SLC30A10: variants seen among roughly 807,000 people sequenced by gnomAD.
SLC30A10 encodes the protein solute carrier family 30 member 10.
SLC30A10 carries 8 observed loss-of-function variants against 21.7 expected under a neutral mutation model. The observed-to-expected ratio is 0.37, with a 90% CI of 0.22 to 0.67. The LOEUF (loss-of-function observed/expected upper bound fraction) is 0.67, where lower values mean the gene tolerates loss of function less well. Ranked by LOEUF, SLC30A10 falls within the 30% of genes least tolerant of loss-of-function variation. The pLI, the probability that SLC30A10 is intolerant of heterozygous loss-of-function variation, is 0.58. For missense variants in SLC30A10, 521 were observed against 642.5 expected, an observed-to-expected ratio of 0.81 and a Z score of 2.04; for synonymous variants, 272 against 279.4, an observed-to-expected ratio of 0.97 and a Z score of 0.26.
chr1:219,917,332 C>T (rs916486231), intron 3 of SLC30A10, among the ~76,000 whole-genome samples: 1 of 151,978 alleles, frequency 6.6e-6, no homozygotes, highest in African/African-American at 2.4e-5. Flanking sequence ...TATTACTTTA[C>T]TAAAAACATA....
intron 1 of SLC30A10, among the ~76,000 whole-genome samples, chr1:219,938,988 T>C (rs752775670): frequency 1.3e-5 from 2 of 152,214 alleles, no homozygotes; most frequent in Non-Finnish European, 2.9e-5. Context: ...TTAGTGAGCA[T>C]GAGTTTTTAA....
Position 219,928,060 on chromosome 1 carries a change from G to T in SLC30A10, c.381C>A (p.Asn127Lys). Residue 127 changes from asparagine to lysine, a missense_variant, in exon 1 of 4, where the codon AAC (asparagine) becomes AAA (lysine). Transcript: ENST00000366926. This position sits in a 1 kb window ranked among gnomAD's most constrained non-coding sequence, Gnocchi z 6.3. ...CCTGGAAGATGAGCAGCCCCACCAC[G>T]TTGACCAACAGCCCCAGGACGCCGA... ...LIVGVLGLLVNVVGLLIFQDC... is the reference protein window; with the variant it reads ...LIVGVLGLLVKVVGLLIFQDC... 1 of 1,591,426 alleles carries T rather than the reference G, an allele frequency of 6.3e-7. No individual in the cohort carries two copies.
chr1:219,942,288 G>A (rs1476797348), intron 1 of SLC30A10, among the ~76,000 whole-genome samples: 1 of 152,192 alleles, frequency 6.6e-6, no homozygotes, highest in Non-Finnish European at 1.5e-5. Flanking sequence ...CTCTAGCCTT[G>A]AGTTTTGACA....
At chr1:219,926,500 G>A (rs1370286216) in intron 2 of SLC30A10, among the ~76,000 whole-genome samples, 1 of 152,156 alleles carries the variant, frequency 6.6e-6, no homozygotes, top group Admixed American at 6.5e-5. Context: ...ATGGTGAGAG[G>A]CTAGCTAGGT....
chr1:219,942,205 A>C (rs1325329238), intron 1 of SLC30A10, among the ~76,000 whole-genome samples: 1 of 152,246 alleles, frequency 6.6e-6, no homozygotes. Flanking sequence ...AAAATGAAGT[A>C]AAAGTCAAAA....
intron 1 of SLC30A10, among the ~76,000 whole-genome samples, chr1:219,954,049 C>G (rs767453122): frequency 2.6e-5 from 4 of 151,976 alleles, no homozygotes; most frequent in Non-Finnish European, 4.4e-5. Flanking sequence ...GGTAGAGAGA[C>G]AGCAAATTCC....
chr1:219,927,837 G>T lies in SLC30A10; in HGVS notation c.604C>A (p.Arg202=), dbSNP rs373396119. Residue 202 remains arginine (R), a synonymous_variant, in exon 1 of 4, where the codon CGG becomes AGG. Transcript: ENST00000366926. ...TLRGTSVERK[R]EKGATVFANV... The stretch of plus-strand genomic sequence containing the variant: ...GCGAACACGGTCGCCCCCTTCTCCC[G>T]CTTCCTTTCCACCGAGGTCCCCCGG... The T allele has an allele frequency of 3.2e-6, 5 of 1,547,956 alleles. No individual in the cohort carries two copies. The African/African-American group carries it at 5.6e-5, about 17-fold the overall frequency.
intron 1 of SLC30A10, among the ~76,000 whole-genome samples, chr1:219,946,930 A>G (rs1387907094): frequency 6.6e-6 from 1 of 152,170 alleles, no homozygotes; most frequent in Non-Finnish European, 1.5e-5. Flanking sequence ...TGGCCCCCAA[A>G]AGTCCCAACA....
At chr1:219,957,779 T>C (rs1219592964) in intron 1 of SLC30A10, among the ~76,000 whole-genome samples, 3 of 151,600 alleles carry the variant, frequency 2.0e-5, no homozygotes, top group African/African-American at 7.3e-5. Context: ...TACAAACACC[T>C]CTTGTGGCAA....
In SLC30A10 at chr1:219,913,230, TAAA is replaced by T. The variant is rs927335655; in HGVS notation, c.*2216_*2218del. ...TTAAATGCAGTCAGCCAAACTGTCT[TAAA>T]AAGGTATTACTTCATATTGACTCCA... On this transcript the variant is annotated 3_prime_UTR_variant, in exon 4 of 4. Coordinates refer to ENST00000366926, the MANE Select transcript of SLC30A10 (RefSeq NM_018713.3). Among the ~76,000 whole-genome samples the T allele has an allele frequency of 6.6e-6, 1 of 152,222 alleles. No homozygotes were observed. The highest frequency in any genetic ancestry group is 1.5e-5 in the Non-Finnish European group (1 of 68,044).
intron 3 of SLC30A10, 51 bp from the exon 4 acceptor site, chr1:219,915,999 C>T: frequency 6.4e-7 from 1 of 1,572,328 alleles, no homozygotes; most frequent in Non-Finnish European, 8.6e-7. Context: ...GCATTTGAAA[C>T]ATGGAACTAC....
At position 219,911,445 on chromosome 1, in the gene SLC30A10, T is replaced by C. The variant is rs1278505902; in HGVS notation, c.*4004A>G. On this transcript the variant is annotated 3_prime_UTR_variant, in exon 4 of 4. Transcript: ENST00000366926. ...TAAACATCTCAACCCCATGAATCAA[T>C]TGTGCTGATAACTATCCAGTCTCAT... Among the ~76,000 whole-genome samples, 4 of 152,088 alleles carry C rather than the reference T, an allele frequency of 2.6e-5. No homozygotes were observed. The highest frequency in any genetic ancestry group is 9.7e-5 in the African/African-American group (4 of 41,424).
chr1:219,927,848 ACCGAGGTCCCCCGGAGGGTTACG>A lies in SLC30A10; in HGVS notation c.570_592del (p.Val191GlyfsTer17). ...CGCCCCCTTCTCCCGCTTCCTTTCC[ACCGAGGTCCCCCGGAGGGTTACG>A]GCCGAGTCCGAGCCTGGGGCTGTCG... On this transcript the variant is annotated frameshift_variant, in exon 1 of 4. Coordinates refer to ENST00000366926, the MANE Select transcript of SLC30A10 (RefSeq NM_018713.3). LOFTEE classifies it high-confidence loss of function. The A allele has an allele frequency of 6.5e-7, 1 of 1,546,808 alleles. No individual in the cohort carries two copies. Among genetic ancestry groups the A allele is most frequent in the Non-Finnish European group, 8.7e-7 (1 of 1,146,736 alleles).
chr1:219,934,930 CA>C (rs1161215214), intron 1 of SLC30A10, among the ~76,000 whole-genome samples: 1 of 151,908 alleles, frequency 6.6e-6, no homozygotes, highest in Non-Finnish European at 1.5e-5. Context: ...GTCAAGGGGA[CA>C]AGGGTAAGTG....
upstream of SLC30A10, among the ~76,000 whole-genome samples, chr1:219,933,291 G>A (rs567085472): frequency 1.4e-4 from 22 of 152,246 alleles, no homozygotes; most frequent in Non-Finnish European, 2.5e-4. Context: ...AATAGCCCTG[G>A]CCCAGGAAGT....
chr1:219,926,920 C>T lies in SLC30A10; in HGVS notation c.718+108G>A. The T allele has an allele frequency of 3.7e-6, 3 of 813,998 alleles. No homozygotes were observed. The South Asian group carries it at 4.7e-5, about 13-fold the overall frequency. 50.4% of individuals were successfully genotyped at this position (813,998 alleles called of 1,614,324 possible). On this transcript the variant is annotated intron_variant, in intron 2 of 3. Transcript: ENST00000366926. ...GGTCATAGTCTATGCATGTAACTGG[C>T]CTACTTTCAAACACACCTTTGCCTT... is the stretch of plus-strand genomic sequence containing the variant.
intron 1 of SLC30A10, among the ~76,000 whole-genome samples, chr1:219,933,703 T>C (rs911854678): frequency 2.0e-5 from 3 of 152,240 alleles, no homozygotes; most frequent in African/African-American, 7.2e-5. Context: ...AATCCAAGTT[T>C]AGAGAGACAG....
At chr1:219,940,864 A>C (rs1269187935) in intron 1 of SLC30A10, among the ~76,000 whole-genome samples, 1 of 152,202 alleles carries the variant, frequency 6.6e-6, no homozygotes, top group African/African-American at 2.4e-5. Flanking sequence ...TATCTAACTC[A>C]GAGAGGTGAG....
intron 2 of SLC30A10, among the ~76,000 whole-genome samples, chr1:219,923,185 C>T (rs1412296467): frequency 1.3e-5 from 2 of 152,186 alleles, no homozygotes; most frequent in South Asian, 2.1e-4. Context: ...GATGTGATCA[C>T]ATCTATGATT....
Sources: gnomAD v4.1 joint callset for allele counts (sites outside exome capture counted in the v4.1 genomes callset) on GRCh38, gnomAD v4.1.1 for gene constraint, Gnocchi (gnomAD v3.1) non-coding constraint, MANE v1.5 for transcripts, NCBI Gene and HGNC (gene_info 2026-07-23, HGNC 2026-07-21) for gene names.